Variants in CWC27 observed in about 807,000 individuals in gnomAD.
CWC27 encodes spliceosome-associated protein CWC27 homolog.
In CWC27, 47 loss-of-function variants were observed where a neutral mutation model predicts 63.6. The ratio of observed to expected loss-of-function variants is 0.74; its 90% CI spans 0.58 to 0.94. CWC27 has a LOEUF of 0.94. Among genes scored for constraint, CWC27 ranks in the 40% least tolerant of loss-of-function variants. The probability of loss-of-function intolerance (pLI) is 0.00; values close to 1 mark genes in which losing one functional copy is unlikely to be tolerated. For synonymous variants in CWC27, 175 were observed against 179.8 expected, an observed-to-expected ratio of 0.97 and a Z score of 0.22; for missense variants, 495 against 554.3, an observed-to-expected ratio of 0.89 and a Z score of 1.07.
In CWC27 at chr5:64,849,230, CAA is replaced by C. The variant is rs139344029; in HGVS notation, c.939-36200_939-36199del. ...GAACACTCCTATTTCCAATAGCTAC[CAA>C]AAAAAAAAAAAAGATAAGAAATTAG... On this transcript the variant is annotated intron_variant, in intron 10 of 13. Transcript: ENST00000381070. Among the ~76,000 whole-genome samples, 281 of 132,794 alleles carry C rather than the reference CAA, an allele frequency of 2.1e-3. 3 individuals are homozygous for C. The highest frequency in any genetic ancestry group is 0.015 in the South Asian group (65 of 4,266). 87.1% of individuals were successfully genotyped at this position (132,794 alleles called of 152,430 possible).
intron 13 of CWC27, among the ~76,000 whole-genome samples, chr5:65,001,126 TG>T (rs1240420790): frequency 2.6e-5 from 4 of 152,050 alleles, no homozygotes; most frequent in African/African-American, 9.7e-5. Flanking sequence ...TCAGATAGTT[TG>T]TCATTGCTCT....
chr5:64,926,450 G>A (rs1305314571), intron 11 of CWC27, among the ~76,000 whole-genome samples: 1 of 151,052 alleles, frequency 6.6e-6, no homozygotes, highest in East Asian at 1.9e-4. Context: ...CTGTACATTA[G>A]GATTTTGTAT....
Position 64,912,091 on chromosome 5 carries a change from AG to A in CWC27, c.1042+26546del, listed in dbSNP as rs201081413. Among the ~76,000 whole-genome samples the A allele has an allele frequency of 1.1e-3, 143 of 126,486 alleles. 1 individual carries two copies. Among genetic ancestry groups the A allele is most frequent in the Middle Eastern group, 3.6e-3 (1 of 276 alleles). 83.0% of individuals were successfully genotyped at this position (126,486 alleles called of 152,430 possible). On this transcript the variant is annotated intron_variant, in intron 11 of 13. Coordinates refer to ENST00000381070, the MANE Select transcript of CWC27 (RefSeq NM_005869.4). ...TCTGTCTCAAAAAAAAAAAAAAAAA[AG>A]AAAGAAAGAAAGAAAGTAGACAGAC...
chr5:64,840,362 TAAAAAAAAAAAAA>T (rs10534375), intron 10 of CWC27, among the ~76,000 whole-genome samples: 20 of 22,216 alleles, frequency 9.0e-4, no homozygotes, highest in East Asian at 6.9e-3. Flanking sequence ...CCTTTTTCAT[TAAAAAAAAAAAAA>T]AAAAAAAAAA....
intron 7 of CWC27, among the ~76,000 whole-genome samples, chr5:64,799,681 C>T (rs147185562): frequency 1.5e-4 from 22 of 151,086 alleles, no homozygotes; most frequent in African/African-American, 5.1e-4. Context: ...CTAAAATGTA[C>T]ATTTTTTGAA....
chr5:64,917,627 A>G (rs1016062455), intron 11 of CWC27, among the ~76,000 whole-genome samples: 8 of 134,244 alleles, frequency 6.0e-5, no homozygotes, highest in East Asian at 3.8e-4. Flanking sequence ...CATCCAATCA[A>G]TTGAGGGCCT....
chr5:64,910,691 C>T (rs183774452), intron 11 of CWC27, among the ~76,000 whole-genome samples: 2 of 152,314 alleles, frequency 1.3e-5, no homozygotes, highest in African/African-American at 2.4e-5. Flanking sequence ...GCTGCTGCCT[C>T]GCAGGTCAGT....
rs1749702854 is a variant in CWC27, at chr5:64,999,961, A to G, written c.1257-18198A>G. On this transcript the variant is annotated intron_variant, in intron 13 of 13. Coordinates refer to ENST00000381070, the MANE Select transcript of CWC27 (RefSeq NM_005869.4). The stretch of plus-strand genomic sequence containing the variant: ...TAATTTACGTTCACACCAACAGTGT[A>G]TAAGAGTTACCTTTCTCTGCATCCT... Among the ~76,000 whole-genome samples, 3 of 152,070 alleles carry G rather than the reference A, an allele frequency of 2.0e-5. No homozygotes were observed. The South Asian group carries it at 6.2e-4, about 31-fold the overall frequency.
At chr5:64,834,669 T>G (rs2112269217) in intron 10 of CWC27, among the ~76,000 whole-genome samples, 1 of 151,892 alleles carries the variant, frequency 6.6e-6, no homozygotes, top group South Asian at 2.1e-4. Context: ...GCTGTTTGTT[T>G]CTGTTGAAAC....
chr5:64,954,652 A>ATATATATATATATATAGAAAGCAC (rs1748772701), intron 11 of CWC27, among the ~76,000 whole-genome samples: 1 of 149,258 alleles, frequency 6.7e-6, no homozygotes, highest in African/African-American at 2.5e-5. Context: ...AGAAAGCACT[A>ATATATATATATATATAGAAAGCAC]TATATATATA....
chr5:64,893,888 A>G (rs1246733970), intron 11 of CWC27, among the ~76,000 whole-genome samples: 2 of 151,482 alleles, frequency 1.3e-5, no homozygotes. Flanking sequence ...ACTTCTGTGC[A>G]ATAATCACAG....
intron 10 of CWC27, among the ~76,000 whole-genome samples, chr5:64,822,209 T>C (rs1340928921): frequency 2.6e-5 from 4 of 152,200 alleles, no homozygotes; most frequent in South Asian, 2.1e-4. Context: ...AGACATGACA[T>C]GATGAAAACC....
At chr5:64,985,457 T>C (rs574263383) in intron 13 of CWC27, among the ~76,000 whole-genome samples, 1 of 152,236 alleles carries the variant, frequency 6.6e-6, no homozygotes. Context: ...TTCATCAGCA[T>C]TTTATAGTTG....
intron 12 of CWC27, among the ~76,000 whole-genome samples, chr5:64,974,553 T>A (rs1440394532): frequency 6.6e-6 from 1 of 152,094 alleles, no homozygotes; most frequent in Non-Finnish European, 1.5e-5. Context: ...TCCCACTGGG[T>A]CCCTCCCATA....
intron 11 of CWC27, among the ~76,000 whole-genome samples, chr5:64,927,489 C>T (rs1748141658): frequency 6.6e-6 from 1 of 152,170 alleles, no homozygotes; most frequent in South Asian, 2.1e-4. Flanking sequence ...TTACTCTTCT[C>T]TACCACCAAA....
rs1049420199 is a variant in CWC27 at position 64,911,934 on chromosome 5, C to T, written c.1042+26388C>T. Among the ~76,000 whole-genome samples the T allele has an allele frequency of 4.6e-5, 7 of 151,978 alleles. No individual in the cohort carries two copies. In the East Asian group the frequency reaches 5.8e-4, roughly 13 times the overall value. ...CTAAAAATACAAAAAATTAGCCAAC[C>T]GTGATGGCGGGCACCTGCAGTCCCA... is the stretch of plus-strand genomic sequence containing the variant. On this transcript the variant is annotated intron_variant, in intron 11 of 13. Coordinates refer to ENST00000381070, the MANE Select transcript of CWC27 (RefSeq NM_005869.4).
At chr5:64,995,023 T>C (rs1182547723) in intron 13 of CWC27, among the ~76,000 whole-genome samples, 1 of 151,574 alleles carries the variant, frequency 6.6e-6, no homozygotes, top group Admixed American at 6.6e-5. Flanking sequence ...TTTTTTTTTT[T>C]TTTGAGACAG....
intron 10 of CWC27, among the ~76,000 whole-genome samples, chr5:64,809,009 C>T (rs1233366525): frequency 6.6e-6 from 1 of 152,060 alleles, no homozygotes; most frequent in Non-Finnish European, 1.5e-5. Context: ...TGAATTTTTA[C>T]AAACTAAATA....
intron 4 of CWC27, 59 bp from the exon 5 acceptor site, chr5:64,785,422 T>C (rs993901494): frequency 3.8e-6 from 3 of 782,044 alleles, no homozygotes; most frequent in Non-Finnish European, 5.6e-6. Flanking sequence ...AAAGGTTTTC[T>C]CTTAATTCAA....
Sources: allele counts gnomAD v4.1 joint callset (sites outside exome capture counted in the v4.1 genomes callset), GRCh38; gene constraint gnomAD v4.1.1; transcripts MANE v1.5; gene names NCBI Gene and HGNC (gene_info 2026-07-23, HGNC 2026-07-21).